Variants in HS3ST5 observed in about 807,000 individuals in gnomAD.
HS3ST5 encodes the protein heparan sulfate-glucosamine 3-sulfotransferase 5, also known as heparan sulfate glucosamine 3-O-sulfotransferase 5.
In HS3ST5, 10 loss-of-function variants were observed where a neutral mutation model predicts 25.4. That is an observed-to-expected ratio of 0.39 (90% CI 0.24 to 0.67). The LOEUF (loss-of-function observed/expected upper bound fraction) is 0.67. Ranked by LOEUF, HS3ST5 falls within the 30% of genes least tolerant of loss-of-function variation. The pLI is 0.44. For synonymous variants in HS3ST5, 170 were observed against 162.4 expected (o/e 1.05, Z -0.36); for missense variants, 324 against 420.7 (o/e 0.77, Z 2.01).
chr6:114,123,838 A>AT (rs142137287), intron 3 of HS3ST5, among the ~76,000 whole-genome samples: 3 of 151,744 alleles, frequency 2.0e-5, no homozygotes, highest in Non-Finnish European at 4.4e-5. Context: ...CTCCAAGATA[A>AT]TTTTTTTTTC....
chr6:114,215,441 T>C lies in HS3ST5; in HGVS notation c.-145+13144A>G, dbSNP rs144976028. On this transcript the variant is annotated intron_variant, in intron 2 of 4. Coordinates refer to ENST00000312719, the MANE Select transcript of HS3ST5 (RefSeq NM_153612.4). The stretch of plus-strand genomic sequence containing the variant: ...CTACAAGTGATTGATGAGTGTGTCA[T>C]GATGCCTTAAACCAGGGTGTCAACA... Among the ~76,000 whole-genome samples, 1,067 of 152,234 alleles carry C rather than the reference T, an allele frequency of 7.0e-3. 16 individuals carry two copies. Among genetic ancestry groups the C allele is most frequent in the African/African-American group, 0.024 (1,011 of 41,522 alleles).
intron 3 of HS3ST5, among the ~76,000 whole-genome samples, chr6:114,075,988 T>C (rs956036541): frequency 2.0e-5 from 3 of 152,088 alleles, no homozygotes; most frequent in Non-Finnish European, 4.4e-5. Context: ...CCACACAAGG[T>C]AGTGCTGTGA....
intron 3 of HS3ST5, among the ~76,000 whole-genome samples, chr6:114,127,849 T>TAG (rs1250559522): frequency 2.0e-5 from 3 of 148,988 alleles, no homozygotes; most frequent in Admixed American, 1.3e-4. Context: ...AATATATATA[T>TAG]ATATATAGAG....
At chr6:114,227,913 G>A (rs1331086689) in intron 2 of HS3ST5, among the ~76,000 whole-genome samples, 1 of 152,044 alleles carries the variant, frequency 6.6e-6, no homozygotes, top group African/African-American at 2.4e-5. Context: ...TGACACCTGG[G>A]AATTAGCCCA....
At chr6:114,320,318 T>C (rs1775913819) in intron 1 of HS3ST5, among the ~76,000 whole-genome samples, 1 of 152,132 alleles carries the variant, frequency 6.6e-6, no homozygotes, top group Non-Finnish European at 1.5e-5. Flanking sequence ...TTAGACTCTA[T>C]CTTCAAATTT....
rs536536502 is a variant in HS3ST5 at position 114,252,715 on chromosome 6, C to A, written c.-338-23937G>T. Among the ~76,000 whole-genome samples the A allele has an allele frequency of 1.1e-4, 16 of 152,170 alleles. 1 individual carries two copies. In the South Asian group the frequency reaches 2.5e-3, roughly 24 times the overall value. ...CCTATCTGAGGCTTATGTCAAAGCA[C>A]CATCATCTTTGGGTCTTCAGAGGAC... On this transcript the variant is annotated intron_variant, in intron 1 of 4. Coordinates refer to ENST00000312719, the MANE Select transcript of HS3ST5 (RefSeq NM_153612.4).
intron 3 of HS3ST5, among the ~76,000 whole-genome samples, chr6:114,153,396 T>G (rs2114965662): frequency 6.6e-6 from 1 of 152,314 alleles, no homozygotes; most frequent in African/African-American, 2.4e-5. Context: ...ATTTCCTAAT[T>G]TTATAAGTGG....
chr6:114,325,169 T>C (rs6923441), intron 1 of HS3ST5, among the ~76,000 whole-genome samples: 9,641 of 152,212 alleles, frequency 0.063, 551 homozygotes, highest in African/African-American at 0.15. Context: ...GTAAGAAATT[T>C]GGCTTGAGGC....
chr6:114,087,924 C>T (rs1272463838), intron 3 of HS3ST5, among the ~76,000 whole-genome samples: 2 of 152,168 alleles, frequency 1.3e-5, no homozygotes, highest in African/African-American at 4.8e-5. Flanking sequence ...TTTCCATAGC[C>T]TAGAACTGCA....
intron 3 of HS3ST5, among the ~76,000 whole-genome samples, chr6:114,063,209 G>GA (rs1330671215): frequency 6.6e-6 from 1 of 152,074 alleles, no homozygotes; most frequent in East Asian, 1.9e-4. Flanking sequence ...ATGATTCAAA[G>GA]AATATGGATA....
Position 114,058,011 on chromosome 6 carries a change from A to G in HS3ST5, c.287T>C (p.Ile96Thr), listed in dbSNP as rs537896729. The G allele has an allele frequency of 1.2e-4, 199 of 1,614,040 alleles. 1 individual carries two copies. In the Admixed American group the frequency reaches 2.0e-3, roughly 16 times the overall value. The change falls in exon 5 of 5, where the codon ATT becomes ACT. Residue 96 changes from isoleucine (I) to threonine (T), a missense_variant. Physicochemically the swap from Ile to Thr is moderately conservative, Grantham distance 89. Transcript: ENST00000312719. ...CCTTGTGCCTCCTTTCCTCACCCCA[A>G]TGATAATGGCCTTGGGGAGCTGCTG... is the stretch of plus-strand genomic sequence containing the variant. ...LVQQLPKAII[I>T]GVRKGGTRAL...
chr6:114,159,368 T>A (rs1190091459), intron 3 of HS3ST5, among the ~76,000 whole-genome samples: 1 of 152,126 alleles, frequency 6.6e-6, no homozygotes, highest in Admixed American at 6.5e-5. Context: ...GCTGGGTAAG[T>A]AAAATATATT....
chr6:114,173,374 C>T (rs1779565014), intron 2 of HS3ST5, among the ~76,000 whole-genome samples: 1 of 152,080 alleles, frequency 6.6e-6, no homozygotes. Flanking sequence ...AATTACTTAA[C>T]TCATCAATAA....
intron 2 of HS3ST5, among the ~76,000 whole-genome samples, chr6:114,204,380 G>A (rs941264682): frequency 2.0e-5 from 3 of 152,050 alleles, no homozygotes; most frequent in African/African-American, 7.2e-5. Context: ...GAAAATCAAG[G>A]CCTTTTCTTT....
chr6:114,288,603 G>A (rs1300665164), intron 1 of HS3ST5, among the ~76,000 whole-genome samples: 1 of 152,034 alleles, frequency 6.6e-6, no homozygotes, highest in African/African-American at 2.4e-5. Flanking sequence ...AGCAGACAGA[G>A]AGTCATGTAG....
intron 1 of HS3ST5, among the ~76,000 whole-genome samples, chr6:114,310,186 T>C (rs57308480): frequency 0.036 from 5,408 of 152,282 alleles, 324 homozygotes; most frequent in African/African-American, 0.12. Flanking sequence ...ATCTGAAATA[T>C]CTTTCAAATG....
At chr6:114,319,783 A>C (rs1216197824) in intron 1 of HS3ST5, among the ~76,000 whole-genome samples, 1 of 152,110 alleles carries the variant, frequency 6.6e-6, no homozygotes, top group Non-Finnish European at 1.5e-5. Context: ...TTGCTACTAC[A>C]AACAAGATTG....
chr6:114,092,625 A>G (rs1449341686), intron 3 of HS3ST5, among the ~76,000 whole-genome samples: 1 of 150,982 alleles, frequency 6.6e-6, no homozygotes, highest in East Asian at 1.9e-4. Context: ...ATCAACATAT[A>G]TGTTGTATAC....
intron 1 of HS3ST5, among the ~76,000 whole-genome samples, chr6:114,324,188 C>A (rs1381036453): frequency 6.6e-6 from 1 of 152,162 alleles, no homozygotes; most frequent in African/African-American, 2.4e-5. Flanking sequence ...AACAGGGCTG[C>A]CAGGTGCCAT....
Sources: gnomAD v4.1 joint callset for allele counts (sites outside exome capture counted in the v4.1 genomes callset) on GRCh38, gnomAD v4.1.1 for gene constraint, MANE v1.5 for transcripts, NCBI Gene and HGNC (gene_info 2026-07-23, HGNC 2026-07-21) for gene names.